The following SELENOS variants were observed in gnomAD, a reference collection of about 807,000 sequenced individuals.
The protein encoded by SELENOS is VCP interacting membrane selenoprotein.
SELENOS carries 37 observed loss-of-function variants against 30.2 expected under a neutral mutation model. The observed-to-expected ratio is 1.23, with a 90% CI of 0.94 to 1.61. The LOEUF (loss-of-function observed/expected upper bound fraction) is 1.61, where lower values mean the gene tolerates loss of function less well. SELENOS is among the 40% of genes most tolerant of loss of function. The pLI is 0.00. For missense variants in SELENOS, 289 were observed against 231.8 expected, an observed-to-expected ratio of 1.25 and a Z score of -1.60; for synonymous variants, 119 against 91.6, an observed-to-expected ratio of 1.30 and a Z score of -1.71.
At chr15:101,273,925 ATTGC>A (rs1235704819) in intron 5 of SELENOS, among the ~76,000 whole-genome samples, 1 of 152,182 alleles carries the variant, frequency 6.6e-6, no homozygotes, top group Non-Finnish European at 1.5e-5. Flanking sequence ...ATCACCAAGG[ATTGC>A]TTATTTTCGT....
chr15:101,277,041 A>G, intron 1 of SELENOS: 1 of 595,428 alleles, frequency 1.7e-6, no homozygotes, highest in Non-Finnish European at 3.0e-6. Flanking sequence ...GCTGTGTGGG[A>G]CGGGTCCCAG....
At chr15:101,274,117 A>C in intron 5 of SELENOS, 4 of 446,090 alleles carry the variant, frequency 9.0e-6, no homozygotes, top group East Asian at 4.1e-5. Flanking sequence ...AGAAAGACCA[A>C]AACCACTGTG....
chr15:101,274,532 A>C (rs772033136), intron 4 of SELENOS, 37 bp from the exon 5 acceptor site: 4 of 1,607,882 alleles, frequency 2.5e-6, no homozygotes, highest in Non-Finnish European at 3.4e-6. Context: ...GAAGCAATTA[A>C]AACATTCTAC....
Position 101,277,419 on chromosome 15 carries a change from A to ACCGCCGCCG in SELENOS, c.-11_-3dup, listed in dbSNP as rs566724578. The ACCGCCGCCG allele has an allele frequency of 1.4e-4, 205 of 1,470,390 alleles. No individual in the cohort carries two copies. Among genetic ancestry groups the ACCGCCGCCG allele is most frequent in the African/African-American group, 4.9e-4 (33 of 67,982 alleles). 91.1% of individuals were successfully genotyped at this position (1,470,390 alleles called of 1,614,324 possible). ...CAGAGACTCCTCTTGGCGTTCCATG[A>ACCGCCGCCG]CCGCCGCCGCCGCCGCCGCCCAGCC... On this transcript the variant is annotated 5_prime_UTR_variant, in exon 1 of 6. Coordinates refer to ENST00000526049, the MANE Select transcript of SELENOS (RefSeq NM_018445.6).
intron 5 of SELENOS, 119 bp downstream of exon 5, chr15:101,274,301 C>G: frequency 8.4e-7 from 1 of 1,193,262 alleles, no homozygotes. Context: ...TGAATCTTCA[C>G]AATCCTAAGG....
Position 101,277,408 on chromosome 15 carries a change from G to C in SELENOS, c.10C>G (p.Gln4Glu). 1 of 1,488,328 alleles carries C rather than the reference G, an allele frequency of 6.7e-7. No homozygotes were observed. The highest frequency in any genetic ancestry group is 8.9e-7 in the Non-Finnish European group (1 of 1,127,010). 92.2% of individuals were successfully genotyped at this position (1,488,328 alleles called of 1,614,324 possible). MER[Q>E]EESLSARPAL... ...GGCCGCGCGGACAGAGACTCCTCTT[G>C]GCGTTCCATGACCGCCGCCGCCGCC... is the stretch of plus-strand genomic sequence containing the variant. Residue 4 changes from glutamine to glutamate, a missense_variant, in exon 1 of 6, where the codon CAA becomes GAA. By Grantham distance (29) the Gln-to-Glu change is conservative. Coordinates refer to ENST00000526049, the MANE Select transcript of SELENOS (RefSeq NM_018445.6).
rs187328666 is a variant in SELENOS, at chr15:101,276,866, T to C, written c.77-191A>G. On this transcript the variant is annotated intron_variant, in intron 1 of 5. Coordinates refer to ENST00000526049, the MANE Select transcript of SELENOS (RefSeq NM_018445.6). Reference sequence around the variant, plus strand: ...CGACAATTCAGGGATCACTGAGAAGTGAGACTTCCCAACCATCTGGGGAGT... The same window carrying C: ...CGACAATTCAGGGATCACTGAGAAGCGAGACTTCCCAACCATCTGGGGAGT... The C allele has an allele frequency of 3.9e-4, 249 of 643,048 alleles. 2 individuals are homozygous for C. The African/African-American group carries it at 4.2e-3, about 11-fold the overall frequency. The allele number at this position is 643,048 out of a possible 1,614,324, so 39.8% of individuals were successfully genotyped here.
At chr15:101,271,303 C>T (rs770845978), downstream of SELENOS, 6 of 152,148 alleles carry the variant, frequency 3.9e-5, no homozygotes, top group African/African-American at 9.7e-5. Context: ...TACCATTTCC[C>T]ACGTCGTAAA....
Position 101,274,501 on chromosome 15 carries a change from T to C in SELENOS, c.409-6A>G. The C allele has an allele frequency of 6.2e-7, 1 of 1,608,408 alleles. No homozygotes were observed. Among genetic ancestry groups the C allele is most frequent in the South Asian group, 1.1e-5 (1 of 89,884 alleles). ...GGCCCAGGACTGTCTTCCTCCTGTT[T>C]GAACACACACAGTAGTGTAAGAAGC... On this transcript the variant is annotated splice_region_variant and splice_polypyrimidine_tract_variant and intron_variant, in intron 4 of 5. Coordinates refer to ENST00000526049, the MANE Select transcript of SELENOS (RefSeq NM_018445.6).
chr15:101,272,700 G>T lies in SELENOS; in HGVS notation c.*71C>A. ...CCCTTGGCTAGTCACTGTGAAAAGC[G>T]TGCGTAAGGCAATTGAATCGAGGGT... is the stretch of plus-strand genomic sequence containing the variant. On this transcript the variant is annotated 3_prime_UTR_variant, in exon 6 of 6. Coordinates refer to ENST00000526049, the MANE Select transcript of SELENOS (RefSeq NM_018445.6). 1 of 1,474,500 alleles carries T rather than the reference G, an allele frequency of 6.8e-7. No individual in the cohort carries two copies. The allele number at this position is 1,474,500 out of a possible 1,614,324, so 91.3% of individuals were successfully genotyped here.
chr15:101,276,597 G>T lies in SELENOS; in HGVS notation c.155C>A (p.Ser52Tyr). The T allele has an allele frequency of 1.9e-6, 3 of 1,613,806 alleles. No individual in the cohort carries two copies. Among genetic ancestry groups the T allele is most frequent in the Non-Finnish European group, 2.5e-6 (3 of 1,179,846 alleles). The change falls in exon 2 of 6, where the codon TCC becomes TAC. Residue 52 changes from serine to tyrosine, a missense_variant. By Grantham distance (144) the Ser-to-Tyr change is moderately radical. Coordinates refer to ENST00000526049, the MANE Select transcript of SELENOS (RefSeq NM_018445.6). The stretch of plus-strand genomic sequence containing the variant: ...CTGCCTCAAGGCTCTTAGCCGGGCG[G>T]AAAGCTTCTGAAAGACCACGTAGAG... ...ILLYVVFQKL[S>Y]ARLRALRQRQ...
intron 3 of SELENOS, 94 bp downstream of exon 3, chr15:101,275,148 ATAGGACCTGGTCC>A (rs1256231674): frequency 4.5e-6 from 4 of 898,350 alleles, no homozygotes; most frequent in Non-Finnish European, 6.6e-6. Flanking sequence ...ATCTAATGGG[ATAGGACCTGGTCC>A]TAGAAGCTTA....
At chr15:101,276,946 C>CA (rs903203474) in intron 1 of SELENOS, 34 of 524,810 alleles carry the variant, frequency 6.5e-5, no homozygotes, top group African/African-American at 5.6e-4. Context: ...GAATGAAGAG[C>CA]AACTAATCTG....
chr15:101,277,064 A>C, intron 1 of SELENOS: 2 of 631,972 alleles, frequency 3.2e-6, no homozygotes, highest in Non-Finnish European at 5.6e-6. Context: ...GCAAACGCCA[A>C]CGGCCGAGTG....
At chr15:101,270,861 C>T (rs1231587241), downstream of SELENOS, 2 of 152,158 alleles carry the variant, frequency 1.3e-5, no homozygotes, top group Non-Finnish European at 2.9e-5. Flanking sequence ...TTTCCCCTCC[C>T]CTCCATTATC....
In SELENOS at chr15:101,272,544, A is replaced by G. The variant is rs2039278884; in HGVS notation, c.*227T>C. The G allele has an allele frequency of 1.2e-5, 6 of 482,738 alleles. No individual in the cohort carries two copies. Among genetic ancestry groups the G allele is most frequent in the Non-Finnish European group, 2.2e-5 (6 of 269,828 alleles). 29.9% of individuals were successfully genotyped at this position (482,738 alleles called of 1,614,324 possible). On this transcript the variant is annotated 3_prime_UTR_variant, in exon 6 of 6. Coordinates refer to ENST00000526049, the MANE Select transcript of SELENOS (RefSeq NM_018445.6). ...CAACTAGCAATTAACCATGAAATCA[A>G]TGAATGCAATCACTGTCTCCAAGTA...
At chr15:101,274,537 T>C (rs773138065) in intron 4 of SELENOS, 42 bp from the exon 5 acceptor site, 5 of 1,608,170 alleles carry the variant, frequency 3.1e-6, no homozygotes, top group East Asian at 4.5e-5. Context: ...AATTAAAACA[T>C]TCTACTTGGC....
At chr15:101,277,108 G>C (rs911883029) in intron 1 of SELENOS, 1 of 776,042 alleles carries the variant, frequency 1.3e-6, no homozygotes, top group African/African-American at 1.7e-5. Flanking sequence ...GGCTTGGTTC[G>C]CAAAAAAGAC....
chr15:101,273,220 A>G (rs1411107324), intron 5 of SELENOS, among the ~76,000 whole-genome samples: 1 of 145,538 alleles, frequency 6.9e-6, no homozygotes, highest in East Asian at 1.9e-4. Context: ...TTCACGCTAC[A>G]GAAAACAGAT....
Sources: allele counts gnomAD v4.1 joint callset (sites outside exome capture counted in the v4.1 genomes callset), GRCh38; gene constraint gnomAD v4.1.1; transcripts MANE v1.5; gene names NCBI Gene and HGNC (gene_info 2026-07-23, HGNC 2026-07-21).